The following NKAIN3 variants were observed in gnomAD, a reference collection of about 807,000 sequenced individuals.
NKAIN3 encodes the protein sodium/potassium-transporting ATPase subunit beta-1-interacting protein 3.
A neutral mutation model predicts 30.2 loss-of-function variants in NKAIN3; 25 were observed. The ratio of observed to expected loss-of-function variants is 0.83; its 90% CI spans 0.60 to 1.16. The LOEUF is 1.16. Among genes scored for constraint, NKAIN3 ranks in the 50% most tolerant of loss-of-function variants. The pLI, the probability that NKAIN3 is intolerant of heterozygous loss-of-function variation, is 0.00. For missense variants in NKAIN3, 225 were observed against 254.1 expected, an observed-to-expected ratio of 0.89 and a Z score of 0.78; for synonymous variants, 91 against 89.6, an observed-to-expected ratio of 1.02 and a Z score of -0.09.
At chr8:62,261,874 C>G (rs1034284599) in intron 1 of NKAIN3, among the ~76,000 whole-genome samples, 1 of 152,114 alleles carries the variant, frequency 6.6e-6, no homozygotes, top group African/African-American at 2.4e-5. Flanking sequence ...AATATATTCT[C>G]TTTCACAGAT....
chr8:62,800,217 CAAACAAAT>C (rs1043414835), intron 4 of NKAIN3, among the ~76,000 whole-genome samples: 7 of 141,210 alleles, frequency 5.0e-5, no homozygotes, highest in African/African-American at 1.8e-4. Flanking sequence ...AATAAATAAA[CAAACAAAT>C]AAATAAATAA....
chr8:62,365,053 G>C (rs559277154), intron 1 of NKAIN3, among the ~76,000 whole-genome samples: 1 of 152,056 alleles, frequency 6.6e-6, no homozygotes, highest in East Asian at 1.9e-4. Flanking sequence ...AAGATATTAC[G>C]GGGTGAAGAA....
chr8:62,809,758 TA>T (rs1420998490), intron 4 of NKAIN3, among the ~76,000 whole-genome samples: 1 of 152,236 alleles, frequency 6.6e-6, no homozygotes, highest in Non-Finnish European at 1.5e-5. Context: ...TTAATATCTC[TA>T]CACTTTACAG....
Position 62,443,170 on chromosome 8 carries a change from C to T in NKAIN3, c.55-136369C>T, listed in dbSNP as rs191935004. 1.8e-4 allele frequency among the ~76,000 whole-genome samples: 27 copies of T among 151,872 alleles called. No homozygotes were observed. The East Asian group carries it at 5.0e-3, about 28-fold the overall frequency. ...GTTTCTAAGTTTTCTCTTTTAAAATCCCAATCACAATTGTTCATGAACAAT... is the reference window on the plus strand; with the variant it reads ...GTTTCTAAGTTTTCTCTTTTAAAATTCCAATCACAATTGTTCATGAACAAT... On this transcript the variant is annotated intron_variant, in intron 1 of 6. Coordinates refer to ENST00000623646, the MANE Select transcript of NKAIN3 (RefSeq NM_001304533.3).
chr8:62,578,936 C>G (rs965688951), intron 1 of NKAIN3, among the ~76,000 whole-genome samples: 21 of 151,384 alleles, frequency 1.4e-4, no homozygotes, highest in African/African-American at 5.1e-4. Flanking sequence ...TTAATAAATG[C>G]AAAAATAGAG....
At chr8:62,617,787 G>T (rs1811504087) in intron 3 of NKAIN3, among the ~76,000 whole-genome samples, 1 of 150,638 alleles carries the variant, frequency 6.6e-6, no homozygotes, top group South Asian at 2.1e-4. Context: ...TGGAAAAAAA[G>T]AAAATGGGAA....
At chr8:62,793,238 G>A (rs1817755702) in intron 4 of NKAIN3, among the ~76,000 whole-genome samples, 1 of 151,692 alleles carries the variant, frequency 6.6e-6, no homozygotes, top group Non-Finnish European at 1.5e-5. Context: ...AACAAGAGTT[G>A]GACTCAGCTG....
At chr8:62,283,474 T>C (rs1358866591) in intron 1 of NKAIN3, among the ~76,000 whole-genome samples, 1 of 152,180 alleles carries the variant, frequency 6.6e-6, no homozygotes, top group African/African-American at 2.4e-5. Flanking sequence ...ATCAAAGTTC[T>C]TTCACAGGAT....
At chr8:62,415,404 G>T (rs896301791) in intron 1 of NKAIN3, among the ~76,000 whole-genome samples, 1 of 149,442 alleles carries the variant, frequency 6.7e-6, no homozygotes, top group African/African-American at 2.4e-5. Context: ...TAAATAAATA[G>T]TAATTCTTCA....
chr8:62,902,011 A>G (rs914074613), intron 4 of NKAIN3, among the ~76,000 whole-genome samples: 6 of 152,170 alleles, frequency 3.9e-5, no homozygotes, highest in Non-Finnish European at 7.3e-5. Context: ...TGGACATGTC[A>G]GTCTGTATGC....
intron 4 of NKAIN3, among the ~76,000 whole-genome samples, chr8:62,898,453 C>T (rs759078654): frequency 3.9e-5 from 6 of 152,138 alleles, no homozygotes; most frequent in South Asian, 2.1e-4. Context: ...CAAAGTAATT[C>T]AGGAGTGAAA....
At chr8:62,388,361 G>A (rs1158487906) in intron 1 of NKAIN3, among the ~76,000 whole-genome samples, 1 of 152,142 alleles carries the variant, frequency 6.6e-6, no homozygotes, top group East Asian at 1.9e-4. Context: ...CTACCTCCAA[G>A]CTAATAGTTG....
intron 4 of NKAIN3, among the ~76,000 whole-genome samples, chr8:62,884,738 T>C (rs1051543830): frequency 5.3e-5 from 8 of 152,196 alleles, no homozygotes; most frequent in African/African-American, 1.9e-4. Context: ...TTTCAAGGAA[T>C]TGATCTGGTT....
At chr8:62,363,765 A>T (rs1338247462) in intron 1 of NKAIN3, among the ~76,000 whole-genome samples, 2 of 152,266 alleles carry the variant, frequency 1.3e-5, no homozygotes, top group Admixed American at 1.3e-4. Flanking sequence ...CCAATAAGCT[A>T]CCCCTTGAGC....
intron 1 of NKAIN3, among the ~76,000 whole-genome samples, chr8:62,259,749 C>T (rs565995933): frequency 6.6e-6 from 1 of 152,142 alleles, no homozygotes; most frequent in East Asian, 1.9e-4. Context: ...CAGATGAAGG[C>T]GTTGACTTAA....
Position 62,980,783 on chromosome 8 carries a change from T to C in NKAIN3, c.*15376T>C, listed in dbSNP as rs1270319244. 6.6e-6 allele frequency: 1 copy of C among 152,228 alleles called. No individual in the cohort carries two copies. The highest frequency in any genetic ancestry group is 1.5e-5 in the Non-Finnish European group (1 of 68,042). 9.4% of individuals were successfully genotyped at this position (152,228 alleles called of 1,614,324 possible). Reference sequence around the variant, plus strand: ...ATGTTGGACAATTTGTGTGGCATGCTTAGCTTAATTTGTTTCTATGGCACA... The same window carrying C: ...ATGTTGGACAATTTGTGTGGCATGCCTAGCTTAATTTGTTTCTATGGCACA... On this transcript the variant is annotated 3_prime_UTR_variant, in exon 7 of 7. Transcript: ENST00000623646.
At chr8:62,798,550 T>G (rs1163321597) in intron 4 of NKAIN3, among the ~76,000 whole-genome samples, 3 of 151,004 alleles carry the variant, frequency 2.0e-5, no homozygotes, top group Non-Finnish European at 2.9e-5. Context: ...CCAGCCTGGG[T>G]GACAGAGTGA....
intron 5 of NKAIN3, among the ~76,000 whole-genome samples, chr8:62,994,375 C>T (rs924474957): frequency 1.3e-5 from 2 of 151,998 alleles, no homozygotes; most frequent in African/African-American, 4.8e-5. Flanking sequence ...CCACCATGTT[C>T]GTGAAAAGTG....
intron 5 of NKAIN3, among the ~76,000 whole-genome samples, chr8:62,995,529 C>A (rs62508123): frequency 0.098 from 14,819 of 151,812 alleles, 700 homozygotes; most frequent in South Asian, 0.17. Flanking sequence ...AGGGTTGTTG[C>A]CGAACTAAAA....
Sources: gnomAD v4.1 joint callset for allele counts (sites outside exome capture counted in the v4.1 genomes callset) on GRCh38, gnomAD v4.1.1 for gene constraint, MANE v1.5 for transcripts, NCBI Gene and HGNC (gene_info 2026-07-23, HGNC 2026-07-21) for gene names.